GRIK4: variants seen among roughly 807,000 people sequenced by gnomAD.
GRIK4 encodes glutamate receptor ionotropic, kainate 4.
A neutral mutation model predicts 104.9 loss-of-function variants in GRIK4; 40 were observed. The ratio of observed to expected loss-of-function variants is 0.38; its 90% CI spans 0.30 to 0.50. The LOEUF (loss-of-function observed/expected upper bound fraction) is 0.50. Ranked by LOEUF, GRIK4 falls within the 20% of genes least tolerant of loss-of-function variation. The probability of loss-of-function intolerance (pLI) is 0.93; values close to 1 mark genes in which losing one functional copy is unlikely to be tolerated. For synonymous variants in GRIK4, 485 were observed against 524.9 expected, an observed-to-expected ratio of 0.92 and a Z score of 1.04; for missense variants, 1,047 against 1,308.1, an observed-to-expected ratio of 0.80 and a Z score of 3.08.
rs1951612014 is a variant in GRIK4 at position 120,754,138 on chromosome 11, C to A, written c.83-48555C>A. 2.0e-5 allele frequency among the ~76,000 whole-genome samples: 3 copies of A among 152,174 alleles called. No individual in the cohort carries two copies. In the South Asian group the frequency reaches 6.2e-4, roughly 31 times the overall value. On this transcript the variant is annotated intron_variant, in intron 3 of 20. Coordinates refer to ENST00000527524, the MANE Select transcript of GRIK4 (RefSeq NM_014619.5). ...CTCCACTTCCCGAGTTCAAGTGATT[C>A]TCCTGCCCCAGCCTCCCAAGTAGCT...
chr11:120,944,308 A>T (rs1943803749), intron 14 of GRIK4, among the ~76,000 whole-genome samples: 4 of 149,500 alleles, frequency 2.7e-5, no homozygotes, highest in Admixed American at 1.3e-4. Flanking sequence ...GGATAATCTC[A>T]CTCCCTCCCA....
chr11:120,879,957 C>T lies in GRIK4; in HGVS notation c.1164+4714C>T, dbSNP rs543244210. Among the ~76,000 whole-genome samples, 114 of 152,288 alleles carry T rather than the reference C, an allele frequency of 7.5e-4. 2 individuals are homozygous for T. The highest frequency in any genetic ancestry group is 3.4e-3 in the Middle Eastern group (1 of 294). Reference sequence around the variant, plus strand: ...CCTTCGTTTAACTTGGTCTAAAGATCAGAGATTCTGAGCAGCCCCCAAGCA... The same window carrying T: ...CCTTCGTTTAACTTGGTCTAAAGATTAGAGATTCTGAGCAGCCCCCAAGCA... On this transcript the variant is annotated intron_variant, in intron 11 of 20. Transcript: ENST00000527524.
intron 1 of GRIK4, among the ~76,000 whole-genome samples, chr11:120,542,283 T>C (rs1432469699): frequency 6.6e-6 from 1 of 152,232 alleles, no homozygotes; most frequent in African/African-American, 2.4e-5. Flanking sequence ...CTATATCTTA[T>C]GCCATACCTA....
At chr11:120,641,512 G>C (rs769781660) in intron 1 of GRIK4, among the ~76,000 whole-genome samples, 2 of 152,168 alleles carry the variant, frequency 1.3e-5, no homozygotes, top group Admixed American at 6.5e-5. Flanking sequence ...TCTGGGAAAG[G>C]GGTGGGCAAT....
intron 3 of GRIK4, among the ~76,000 whole-genome samples, chr11:120,771,767 G>A (rs758928317): frequency 6.6e-6 from 1 of 152,210 alleles, no homozygotes; most frequent in African/African-American, 2.4e-5. Flanking sequence ...GCTGCCCCAG[G>A]TGTGGCTCCA....
At chr11:120,762,260 A>G (rs753237895) in intron 3 of GRIK4, among the ~76,000 whole-genome samples, 2 of 152,188 alleles carry the variant, frequency 1.3e-5, no homozygotes, top group Non-Finnish European at 1.5e-5. Flanking sequence ...ATTGGTGTAT[A>G]GGAATGCCTG....
chr11:120,721,114 T>G (rs1004536030), intron 3 of GRIK4, among the ~76,000 whole-genome samples: 2 of 152,150 alleles, frequency 1.3e-5, no homozygotes, highest in African/African-American at 4.8e-5. Flanking sequence ...GAAGGGTTTA[T>G]GGATACAAAA....
intron 3 of GRIK4, among the ~76,000 whole-genome samples, chr11:120,798,939 C>T (rs556190749): frequency 6.6e-6 from 1 of 152,334 alleles, no homozygotes; most frequent in Non-Finnish European, 1.5e-5. Context: ...CCACAGCACA[C>T]TCTTGAATGT....
At chr11:120,537,055 T>C (rs569892595) in intron 1 of GRIK4, among the ~76,000 whole-genome samples, 8 of 152,190 alleles carry the variant, frequency 5.3e-5, no homozygotes, top group Non-Finnish European at 1.0e-4. Context: ...TCCACAGTTC[T>C]TTCGGAAGAG....
chr11:120,971,856 A>G (rs1358637164), intron 19 of GRIK4, among the ~76,000 whole-genome samples: 1 of 152,202 alleles, frequency 6.6e-6, no homozygotes. Context: ...TTGAATAGGT[A>G]GGATGAGGTT....
At chr11:120,856,694 C>G (rs1293823286) in intron 8 of GRIK4, among the ~76,000 whole-genome samples, 1 of 152,128 alleles carries the variant, frequency 6.6e-6, no homozygotes, top group Non-Finnish European at 1.5e-5. Context: ...TGCCACTTCC[C>G]CTGCTTACCC....
intron 13 of GRIK4, among the ~76,000 whole-genome samples, chr11:120,913,477 T>A (rs1943041616): frequency 6.6e-6 from 1 of 151,586 alleles, no homozygotes; most frequent in African/African-American, 2.4e-5. Flanking sequence ...ACAGCTGCAT[T>A]TTCCATCCTC....
chr11:120,829,116 C>T (rs564955181), intron 6 of GRIK4, among the ~76,000 whole-genome samples: 3 of 152,264 alleles, frequency 2.0e-5, no homozygotes, highest in African/African-American at 4.8e-5. Context: ...CATTCTAGGA[C>T]GTGGGGAGGT....
chr11:120,932,922 C>T (rs180681993), intron 13 of GRIK4, among the ~76,000 whole-genome samples: 1 of 152,260 alleles, frequency 6.6e-6, no homozygotes, highest in East Asian at 1.9e-4. Flanking sequence ...GGAAGCTGAT[C>T]AGAGATAGAA....
chr11:120,956,604 A>G lies in GRIK4; in HGVS notation c.1701-176A>G, dbSNP rs2134710271. Among the ~76,000 whole-genome samples, 1 of 152,080 alleles carries G rather than the reference A, an allele frequency of 6.6e-6. No homozygotes were observed. The highest frequency in any genetic ancestry group is 2.1e-4 in the South Asian group (1 of 4,808). ...GTTTGAGAACCATCAACCCAGTTCA[A>G]CCCACTTATTTTATTTTATTTTTTT... is the stretch of plus-strand genomic sequence containing the variant. On this transcript the variant is annotated intron_variant, in intron 15 of 20. Transcript: ENST00000527524. The surrounding 1 kb of genome is among the most constrained non-coding windows in gnomAD (Gnocchi z 4.6).
rs1185091349 is a variant in GRIK4 at position 120,903,248 on chromosome 11, C to G, written c.1273-2042C>G. ...TCCAGCCTCCCCTCTGCAGCCGGGCCTTGGTAATCCCTGAGCCCAGCTCTC... is the reference window on the plus strand; with the variant it reads ...TCCAGCCTCCCCTCTGCAGCCGGGCGTTGGTAATCCCTGAGCCCAGCTCTC... On this transcript the variant is annotated intron_variant, in intron 12 of 20. Transcript: ENST00000527524. The surrounding 1 kb of genome is among the most constrained non-coding windows in gnomAD (Gnocchi z 4.4). 6.6e-6 allele frequency among the ~76,000 whole-genome samples: 1 copy of G among 152,166 alleles called. No individual in the cohort carries two copies. Among genetic ancestry groups the G allele is most frequent in the Non-Finnish European group, 1.5e-5 (1 of 68,036 alleles).
At chr11:120,573,635 C>T (rs1948433345) in intron 1 of GRIK4, among the ~76,000 whole-genome samples, 1 of 152,160 alleles carries the variant, frequency 6.6e-6, no homozygotes. Context: ...AGCAGATAGA[C>T]GAGGGCTGGC....
At chr11:120,895,923 C>T (rs1942566514) in intron 11 of GRIK4, among the ~76,000 whole-genome samples, 1 of 152,176 alleles carries the variant, frequency 6.6e-6, no homozygotes, top group African/African-American at 2.4e-5. Flanking sequence ...GAATCTCAGG[C>T]CATAACATGG....
intron 3 of GRIK4, among the ~76,000 whole-genome samples, chr11:120,738,267 G>A (rs904138490): frequency 8.5e-5 from 13 of 152,234 alleles, no homozygotes; most frequent in African/African-American, 2.9e-4. Context: ...TTTGGTGCAA[G>A]GGAAGTGATT....
Sources: gnomAD v4.1 joint callset for allele counts (sites outside exome capture counted in the v4.1 genomes callset) on GRCh38, gnomAD v4.1.1 for gene constraint, Gnocchi (gnomAD v3.1) non-coding constraint, MANE v1.5 for transcripts, NCBI Gene and HGNC (gene_info 2026-07-23, HGNC 2026-07-21) for gene names.